Variants in STOX2 observed in about 807,000 individuals in gnomAD.
STOX2 encodes storkhead box 2, also known as storkhead-box protein 2.
Under a neutral mutation model 60.9 loss-of-function variants are expected in STOX2, and 28 were observed. The observed-to-expected ratio is 0.46, with a 90% CI of 0.34 to 0.63. The LOEUF (loss-of-function observed/expected upper bound fraction) is 0.63, where lower values mean the gene tolerates loss of function less well. Among genes scored for constraint, STOX2 ranks in the 30% least tolerant of loss-of-function variants. The pLI, the probability that STOX2 is intolerant of heterozygous loss-of-function variation, is 0.01. For synonymous variants in STOX2, 472 were observed against 463.9 expected (o/e 1.02, Z -0.22); for missense variants, 1,024 against 1,187.7 (o/e 0.86, Z 2.03).
At chr4:183,826,707 G>A (rs1739442878) in intron 1 of STOX2, among the ~76,000 whole-genome samples, 1 of 152,220 alleles carries the variant, frequency 6.6e-6, no homozygotes, top group East Asian at 1.9e-4. Context: ...GTTTGCGGAG[G>A]CTTAAGTGGG....
At chr4:184,007,631 G>A (rs1733931117) in intron 2 of STOX2, among the ~76,000 whole-genome samples, 1 of 152,196 alleles carries the variant, frequency 6.6e-6, no homozygotes, top group Non-Finnish European at 1.5e-5. Flanking sequence ...GTAACAAAGT[G>A]CAGATGGCTC....
At chr4:183,964,067 G>A (rs1467197441) in intron 1 of STOX2, among the ~76,000 whole-genome samples, 3 of 152,158 alleles carry the variant, frequency 2.0e-5, no homozygotes, top group African/African-American at 4.8e-5. Flanking sequence ...GAGCCACCGC[G>A]CCCAGCTTTC....
rs756637380 is a variant in STOX2 at position 184,010,452 on chromosome 4, C to G, written c.1614C>G (p.Thr538=). 1.9e-6 allele frequency: 3 copies of G among 1,613,854 alleles called. No individual in the cohort carries two copies. The highest frequency in any genetic ancestry group is 1.1e-5 in the South Asian group (1 of 91,010). ...IDDSTLRPAQ[T]VSLQRAHISS... is the part of the protein sequence containing the mutation. ...ACAGTACTTTAAGGCCTGCACAGAC[C>G]GTTAGTCTCCAAAGGGCTCACATTT... Residue 538 remains threonine, a synonymous_variant, in exon 3 of 4, where the codon ACC becomes ACG. Transcript: ENST00000308497. The surrounding 1 kb of genome is among the most constrained non-coding windows in gnomAD (Gnocchi z 4.5).
chr4:183,859,406 C>T (rs1740378383), intron 1 of STOX2, among the ~76,000 whole-genome samples: 1 of 152,240 alleles, frequency 6.6e-6, no homozygotes, highest in Non-Finnish European at 1.5e-5. Context: ...TGGAGCTGGT[C>T]TTGCCCTGTG....
At chr4:183,826,385 A>G in intron 1 of STOX2, among the ~76,000 whole-genome samples, 1 of 152,062 alleles carries the variant, frequency 6.6e-6, no homozygotes, top group East Asian at 1.9e-4. Context: ...CTCAGGGGAT[A>G]CCCAGGCAGC....
intron 1 of STOX2, among the ~76,000 whole-genome samples, chr4:183,939,464 C>T (rs992002659): frequency 6.6e-6 from 1 of 152,230 alleles, no homozygotes; most frequent in Non-Finnish European, 1.5e-5. Flanking sequence ...ATGATCTTCT[C>T]ATCTCGAGTT....
intron 1 of STOX2, among the ~76,000 whole-genome samples, chr4:183,917,913 A>G (rs1008676883): frequency 2.0e-5 from 3 of 152,260 alleles, no homozygotes; most frequent in Admixed American, 6.5e-5. Flanking sequence ...TATATTTAAG[A>G]TGAGGATAAA....
rs530371279 is a variant in STOX2 at position 183,991,867 on chromosome 4, G to GA, written c.167-9452dup. 6.3e-3 allele frequency among the ~76,000 whole-genome samples: 952 copies of GA among 152,180 alleles called. 14 individuals are homozygous for GA. Among genetic ancestry groups the GA allele is most frequent in the African/African-American group, 0.02 (818 of 41,538 alleles). On this transcript the variant is annotated intron_variant, in intron 1 of 3. Transcript: ENST00000308497. Reference sequence around the variant, plus strand: ...ACATCATTATGTATACTTCACAAAAGAAAAAATTGAAACTCAAAAAATTAA... The same window carrying GA: ...ACATCATTATGTATACTTCACAAAAGAAAAAAATTGAAACTCAAAAAATTAA...
chr4:183,873,363 T>C (rs1200897694), intron 1 of STOX2, among the ~76,000 whole-genome samples: 1 of 151,588 alleles, frequency 6.6e-6, no homozygotes, highest in East Asian at 1.9e-4. Context: ...GGAGAATCGC[T>C]TGAATCTGGG....
At chr4:183,917,425 C>T (rs540158630) in intron 1 of STOX2, among the ~76,000 whole-genome samples, 1 of 152,326 alleles carries the variant, frequency 6.6e-6, no homozygotes, top group South Asian at 2.1e-4. Flanking sequence ...AAAACAGTGT[C>T]TTCTGAATTC....
intron 1 of STOX2, among the ~76,000 whole-genome samples, chr4:183,990,758 G>A (rs1448727028): frequency 6.6e-6 from 1 of 151,862 alleles, no homozygotes; most frequent in East Asian, 1.9e-4. Flanking sequence ...GTCACAGCCA[G>A]GAAGCTGCCT....
At chr4:183,912,311 A>G (rs112148837) in intron 1 of STOX2, among the ~76,000 whole-genome samples, 96 of 152,308 alleles carry the variant, frequency 6.3e-4, no homozygotes, top group African/African-American at 2.0e-3. Flanking sequence ...GTTCCCATCC[A>G]TCACGCCTGT....
At chr4:183,852,368 G>A (rs377479691) in intron 1 of STOX2, among the ~76,000 whole-genome samples, 17 of 63,230 alleles carry the variant, frequency 2.7e-4, no homozygotes, top group African/African-American at 3.9e-4. Context: ...AAACGATGAG[G>A]GAAAGGATGA....
Position 183,934,712 on chromosome 4 carries a change from C to G in STOX2, c.166+27756C>G, listed in dbSNP as rs1742538429. Among the ~76,000 whole-genome samples the G allele has an allele frequency of 1.3e-5, 2 of 151,848 alleles. 1 individual carries two copies. The highest frequency in any genetic ancestry group is 4.2e-4 in the South Asian group (2 of 4,808). ...CAAATACTTTGGTAATGCTTCTTTT[C>G]TTATCCTGAAATATAATTTATCTAC... On this transcript the variant is annotated intron_variant, in intron 1 of 3. Transcript: ENST00000308497.
chr4:183,818,789 G>A (rs907929862), intron 1 of STOX2, among the ~76,000 whole-genome samples: 1 of 151,780 alleles, frequency 6.6e-6, no homozygotes, highest in African/African-American at 2.4e-5. Context: ...CCTCCCAGAC[G>A]GGGTGGCTGC....
chr4:183,846,842 G>C (rs1740001972), intron 1 of STOX2, among the ~76,000 whole-genome samples: 1 of 149,402 alleles, frequency 6.7e-6, no homozygotes, highest in Non-Finnish European at 1.5e-5. Flanking sequence ...TTTTTTTTTT[G>C]AAACTGGGTT....
At chr4:183,922,350 C>CTT (rs578015913) in intron 1 of STOX2, among the ~76,000 whole-genome samples, 4 of 142,744 alleles carry the variant, frequency 2.8e-5, no homozygotes, top group East Asian at 2.0e-4. Context: ...ACCATCTTAA[C>CTT]TTTTTTTTTT....
rs761596640 is a variant in STOX2 at position 184,010,083 on chromosome 4, A to G, written c.1245A>G (p.Glu415=). 5.5e-5 allele frequency: 88 copies of G among 1,609,120 alleles called. No homozygotes were observed. In the Middle Eastern group the frequency reaches 6.6e-4, roughly 12 times the overall value. ...CCAGGGAGGGCTGCTTCATCATTGA[A>G]CACAAAGGAGATAACTTCATCATGC... ...RVPREGCFII[E]HKGDNFIMHS... is the part of the protein sequence containing the mutation. The change falls in exon 3 of 4, where the codon GAA becomes GAG. Residue 415 remains glutamate (E), a synonymous_variant. Coordinates refer to ENST00000308497, the MANE Select transcript of STOX2 (RefSeq NM_020225.3). This position sits in a 1 kb window ranked among gnomAD's most constrained non-coding sequence, Gnocchi z 4.5.
At chr4:183,980,738 T>C (rs1219361949) in intron 1 of STOX2, among the ~76,000 whole-genome samples, 2 of 152,152 alleles carry the variant, frequency 1.3e-5, no homozygotes, top group African/African-American at 4.8e-5. Context: ...TTTCTTTTCA[T>C]GTATGTTTAC....
Sources: allele counts gnomAD v4.1 joint callset (sites outside exome capture counted in the v4.1 genomes callset), GRCh38; gene constraint gnomAD v4.1.1; non-coding constraint Gnocchi (gnomAD v3.1); transcripts MANE v1.5; gene names NCBI Gene and HGNC (gene_info 2026-07-23, HGNC 2026-07-21).